Variants in ANK3 observed in about 807,000 individuals in gnomAD.
The protein encoded by ANK3 is ankyrin 3.
Under a neutral mutation model 370.9 loss-of-function variants are expected in ANK3, and 57 were observed. The ratio of observed to expected loss-of-function variants is 0.15; its 90% CI spans 0.12 to 0.19. The LOEUF (loss-of-function observed/expected upper bound fraction) is 0.19, where lower values mean the gene tolerates loss of function less well. Among genes scored for constraint, ANK3 ranks in the 10% least tolerant of loss-of-function variants. The probability of loss-of-function intolerance (pLI) is 1.00; values close to 1 mark genes in which losing one functional copy is unlikely to be tolerated. For synonymous variants in ANK3, 1,929 were observed against 1,946.3 expected, an observed-to-expected ratio of 0.99 and a Z score of 0.23; for missense variants, 4,439 against 5,302.1, an observed-to-expected ratio of 0.84 and a Z score of 5.06.
intron 2 of ANK3, among the ~76,000 whole-genome samples, chr10:60,471,490 T>C (rs1348991151): frequency 6.6e-6 from 1 of 152,266 alleles, no homozygotes; most frequent in South Asian, 2.1e-4. Context: ...TTCAGTTGCA[T>C]GGATGTACCA....
At chr10:60,367,449 GAGAA>G (rs2059540997) in intron 1 of ANK3, among the ~76,000 whole-genome samples, 1 of 152,192 alleles carries the variant, frequency 6.6e-6, no homozygotes, top group South Asian at 2.1e-4. Context: ...TTTGAAATTA[GAGAA>G]AGAAAGAAAT....
At chr10:60,549,687 TG>T (rs1280780382) in intron 2 of ANK3, among the ~76,000 whole-genome samples, 2 of 152,174 alleles carry the variant, frequency 1.3e-5, no homozygotes, top group Non-Finnish European at 2.9e-5. Flanking sequence ...TCAGGAGGAA[TG>T]GAAATTATAT....
At chr10:60,226,550 C>CATAG (rs1198142729) in intron 8 of ANK3, among the ~76,000 whole-genome samples, 11 of 10,368 alleles carry the variant, frequency 1.1e-3, no homozygotes, top group African/African-American at 1.8e-3. Context: ...AGTATATATA[C>CATAG]TATAGTATAT....
chr10:60,411,120 C>A (rs962742722), intron 2 of ANK3, among the ~76,000 whole-genome samples: 1 of 152,178 alleles, frequency 6.6e-6, no homozygotes, highest in African/African-American at 2.4e-5. Flanking sequence ...ATAACTGCAG[C>A]CTCTACACCA....
intron 25 of ANK3, among the ~76,000 whole-genome samples, chr10:60,123,912 T>C (rs1405733199): frequency 2.0e-5 from 3 of 152,164 alleles, no homozygotes; most frequent in African/African-American, 7.2e-5. Flanking sequence ...TGGGTGTCAG[T>C]TCCCCACACG....
At chr10:60,692,283 AC>A (rs1385517936) in intron 1 of ANK3, among the ~76,000 whole-genome samples, 1 of 152,158 alleles carries the variant, frequency 6.6e-6, no homozygotes, top group Non-Finnish European at 1.5e-5. Context: ...CTCTGCTGAC[AC>A]CCAGCTGCTG....
chr10:60,398,930 G>C (rs1316141728), intron 2 of ANK3, among the ~76,000 whole-genome samples: 1 of 152,142 alleles, frequency 6.6e-6, no homozygotes, highest in African/African-American at 2.4e-5. Flanking sequence ...AGGAAGTTCT[G>C]ATGCTTTATA....
At chr10:60,488,414 G>A (rs1595131620) in intron 2 of ANK3, among the ~76,000 whole-genome samples, 1 of 152,146 alleles carries the variant, frequency 6.6e-6, no homozygotes, top group Non-Finnish European at 1.5e-5. Context: ...ATTTTATTGA[G>A]ATGTTATTCA....
At chr10:60,396,674 G>C (rs2063246753) in intron 2 of ANK3, among the ~76,000 whole-genome samples, 1 of 152,112 alleles carries the variant, frequency 6.6e-6, no homozygotes, top group South Asian at 2.1e-4. Flanking sequence ...GATTTCTTCT[G>C]ATAATTCAAT....
chr10:60,291,932 T>C (rs1466732001), intron 1 of ANK3, among the ~76,000 whole-genome samples: 1 of 152,184 alleles, frequency 6.6e-6, no homozygotes, highest in African/African-American at 2.4e-5. Flanking sequence ...CAGGCTGTTC[T>C]TGACTTTTTG....
intron 2 of ANK3, among the ~76,000 whole-genome samples, chr10:60,466,523 G>A (rs1433978357): frequency 6.6e-6 from 1 of 152,074 alleles, no homozygotes; most frequent in African/African-American, 2.4e-5. Flanking sequence ...ACTCTCAAAA[G>A]GTTAAATATA....
intron 2 of ANK3, among the ~76,000 whole-genome samples, chr10:60,480,617 A>C (rs2075186919): frequency 6.6e-6 from 1 of 152,212 alleles, no homozygotes; most frequent in Non-Finnish European, 1.5e-5. Flanking sequence ...GACAATGATA[A>C]ATAAGACAGA....
intron 29 of ANK3, 85 bp from the exon 30 acceptor site, chr10:60,086,969 G>C: frequency 2.6e-4 from 95 of 364,026 alleles, no homozygotes; most frequent in East Asian, 4.5e-4. Context: ...AAGTGAGAAG[G>C]AAAAAAACAA....
At chr10:60,426,086 T>C (rs562783922) in intron 2 of ANK3, among the ~76,000 whole-genome samples, 55 of 152,226 alleles carry the variant, frequency 3.6e-4, no homozygotes, top group African/African-American at 1.3e-3. Flanking sequence ...TGAAGTGGTA[T>C]ACAAATGTTT....
chr10:60,724,511 C>A (rs1403377113), intron 1 of ANK3, among the ~76,000 whole-genome samples: 1 of 152,078 alleles, frequency 6.6e-6, no homozygotes, highest in Non-Finnish European at 1.5e-5. Flanking sequence ...ATACTGAGCA[C>A]CTTCTAAATC....
intron 1 of ANK3, among the ~76,000 whole-genome samples, chr10:60,702,842 C>T (rs1489870232): frequency 1.3e-5 from 2 of 152,080 alleles, no homozygotes; most frequent in East Asian, 1.9e-4. Context: ...CATTATTTTG[C>T]CTTCACATGG....
At chr10:60,460,394 G>C (rs2064853503) in intron 2 of ANK3, among the ~76,000 whole-genome samples, 1 of 152,080 alleles carries the variant, frequency 6.6e-6, no homozygotes, top group South Asian at 2.1e-4. Context: ...AGAAATTTAA[G>C]GCACAAAAAG....
At chr10:60,354,033 T>C (rs1408151377) in intron 1 of ANK3, among the ~76,000 whole-genome samples, 1 of 152,252 alleles carries the variant, frequency 6.6e-6, no homozygotes, top group Non-Finnish European at 1.5e-5. Flanking sequence ...CACAGCATTG[T>C]ATACTATCTA....
Position 60,073,241 on chromosome 10 carries a change from T to C in ANK3, c.7640A>G (p.Asn2547Ser). Residue 2547 changes from asparagine (N) to serine (S), a missense_variant, in exon 37 of 44, where the codon AAT (asparagine) becomes AGT (serine). Asn to Ser is a conservative substitution (Grantham distance 46, BLOSUM62 1). Around this residue, in one of 13 missense-constraint regions of ANK3, gnomAD observed 1,601 missense variants for 1,731.7 expected, o/e 0.92. Transcript: ENST00000280772. ...DKVTVLHYSG[N>S]VSSPKHAMWM... ...CATGGCATGTTTTGGACTACTAACA[T>C]TGCCAGAATAGTGCAACACTGTCAC... 1 of 1,614,164 alleles carries C rather than the reference T, an allele frequency of 6.2e-7. No individual in the cohort carries two copies. Among genetic ancestry groups the C allele is most frequent in the Non-Finnish European group, 8.5e-7 (1 of 1,180,026 alleles).
Sources: gnomAD v4.1 joint callset for allele counts (sites outside exome capture counted in the v4.1 genomes callset) on GRCh38, gnomAD v4.1.1 for gene constraint, gnomAD v4.1.1 regional missense constraint, MANE v1.5 for transcripts, NCBI Gene and HGNC (gene_info 2026-07-23, HGNC 2026-07-21) for gene names.